ADAMTS5: variants seen among roughly 807,000 people sequenced by gnomAD.
The protein encoded by ADAMTS5 is A disintegrin and metalloproteinase with thrombospondin motifs 5.
In ADAMTS5, 54 loss-of-function variants were observed where a neutral mutation model predicts 81.4. That is an observed-to-expected ratio of 0.66 (90% CI 0.53 to 0.83). The LOEUF (loss-of-function observed/expected upper bound fraction) is 0.83. ADAMTS5 is among the 40% of genes least tolerant of loss of function. The pLI is 0.00. For missense variants in ADAMTS5, 1,194 were observed against 1,229.9 expected, an observed-to-expected ratio of 0.97 and a Z score of 0.44; for synonymous variants, 532 against 508.8, an observed-to-expected ratio of 1.05 and a Z score of -0.61.
Position 26,965,829 on chromosome 21 carries a change from C to G in ADAMTS5, c.563G>C (p.Arg188Pro). The G allele has an allele frequency of 1.2e-6, 2 of 1,610,922 alleles. No individual in the cohort carries two copies. Among genetic ancestry groups the G allele is most frequent in the Non-Finnish European group, 1.7e-6 (2 of 1,178,908 alleles). ...CTCGCGGGTGTAGACGTGCAGGATCCGTGCGGACCCATCCCCGTACACGCG... is the reference window on the plus strand; with the variant it reads ...CTCGCGGGTGTAGACGTGCAGGATCGGTGCGGACCCATCCCCGTACACGCG... ...KGRVYGDGSA[R>P]ILHVYTREGF... The change falls in exon 1 of 8, where the codon CGG becomes CCG. Residue 188 changes from arginine to proline, a missense_variant. Physicochemically the swap from Arg to Pro is moderately radical, Grantham distance 103. Transcript: ENST00000284987.
intron 2 of ADAMTS5, among the ~76,000 whole-genome samples, chr21:26,951,187 G>A (rs748023429): frequency 3.9e-5 from 6 of 152,142 alleles, no homozygotes; most frequent in African/African-American, 9.7e-5. Flanking sequence ...GCGTTTCCAC[G>A]AGAACCTGTA....
Position 26,952,928 on chromosome 21 carries a change from T to G in ADAMTS5, c.1237+1811A>C, listed in dbSNP as rs545293839. Among the ~76,000 whole-genome samples, 4 of 152,228 alleles carry G rather than the reference T, an allele frequency of 2.6e-5. No homozygotes were observed. In the South Asian group the frequency reaches 6.2e-4, roughly 24 times the overall value. On this transcript the variant is annotated intron_variant, in intron 2 of 7. Transcript: ENST00000284987. ...TCTTAGTTTCCGGTGCAGATCGGAA[T>G]GTTGCCTTGAGCAAGTCTCATGTTT... is the stretch of plus-strand genomic sequence containing the variant.
rs1986756895 is a variant in ADAMTS5 at position 26,924,185 on chromosome 21, G to A, written c.2661C>T (p.Cys887=). Residue 887 remains cysteine (C), a synonymous_variant, in exon 8 of 8, where the codon TGC becomes TGT. Coordinates refer to ENST00000284987, the MANE Select transcript of ADAMTS5 (RefSeq NM_007038.5). ...GCCAACCTGTGTCACAGGTCCTAGA[G>A]CAGGCGAGCCATGGGCCCGTGACCC... is the stretch of plus-strand genomic sequence containing the variant. ...PQWVTGPWLA[C]SRTCDTGWHT... 6.2e-7 allele frequency: 1 copy of A among 1,614,080 alleles called. No homozygotes were observed. The highest frequency in any genetic ancestry group is 8.5e-7 in the Non-Finnish European group (1 of 1,180,034).
Position 26,943,372 on chromosome 21 carries a change from A to T in ADAMTS5, c.1405+8T>A. On this transcript the variant is annotated splice_region_variant and intron_variant, in intron 3 of 7. Transcript: ENST00000284987. ...TTCTCAGTCTGTGTTCTCCTAAATG[A>T]TACATACCATGGCCATCATCCAGGA... 6.2e-7 allele frequency: 1 copy of T among 1,610,318 alleles called. No homozygotes were observed. Among genetic ancestry groups the T allele is most frequent in the Non-Finnish European group, 8.5e-7 (1 of 1,178,390 alleles).
intron 4 of ADAMTS5, 21 bp from the exon 5 acceptor site, chr21:26,933,065 T>C: frequency 1.3e-6 from 2 of 1,593,132 alleles, no homozygotes. Context: ...GAATAGAATA[T>C]ATTTTAACTC....
At chr21:26,943,581 C>G (rs369748695) in intron 2 of ADAMTS5, 34 bp from the exon 3 acceptor site, 5 of 1,579,180 alleles carry the variant, frequency 3.2e-6, no homozygotes, top group Non-Finnish European at 4.3e-6. Context: ...ACAAATAATC[C>G]GTGATTGTGT....
In ADAMTS5 at chr21:26,933,033, A is replaced by T; in HGVS notation, c.1701T>A (p.His567Gln). 6.2e-7 allele frequency: 1 copy of T among 1,613,070 alleles called. No individual in the cohort carries two copies. The highest frequency in any genetic ancestry group is 8.5e-7 in the Non-Finnish European group (1 of 1,179,724). ...AGGATCCCCAAGATCCCCAGTTGCC[A>T]TGGCTTGACGTCTGAAATAGAGAAT... Reference protein sequence around the residue: ...TKKKYYSTSSHGNWGSWGSWG... With the variant: ...TKKKYYSTSSQGNWGSWGSWG... The change falls in exon 5 of 8, where the codon CAT becomes CAA. Residue 567 changes from histidine (H) to glutamine (Q), a missense_variant. This residue lies in a region of ADAMTS5 where 696 missense variants were observed against 817.6 expected (regional missense o/e 0.85). Coordinates refer to ENST00000284987, the MANE Select transcript of ADAMTS5 (RefSeq NM_007038.5).
chr21:26,949,199 G>GGAGA (rs71183587), intron 2 of ADAMTS5, among the ~76,000 whole-genome samples: 282 of 138,562 alleles, frequency 2.0e-3, no homozygotes, highest in Admixed American at 3.7e-3. Context: ...ATATATATAT[G>GGAGA]GAGAGAGAGA....
intron 2 of ADAMTS5, among the ~76,000 whole-genome samples, chr21:26,949,893 T>C (rs1987286607): frequency 6.6e-6 from 1 of 152,222 alleles, no homozygotes; most frequent in Non-Finnish European, 1.5e-5. Context: ...TTCTGTGTAT[T>C]TGGATTTGGT....
At chr21:26,940,631 A>C (rs113755126) in intron 3 of ADAMTS5, among the ~76,000 whole-genome samples, 1 of 152,340 alleles carries the variant, frequency 6.6e-6, no homozygotes, top group Non-Finnish European at 1.5e-5. Context: ...TTAGAACAGA[A>C]AAATGGTAGA....
rs186300576 is a variant in ADAMTS5, at chr21:26,922,669, C to A, written c.*1384G>T. 1 of 152,388 alleles carries A rather than the reference C, an allele frequency of 6.6e-6. No homozygotes were observed. Among genetic ancestry groups the A allele is most frequent in the African/African-American group, 2.4e-5 (1 of 41,564 alleles). The allele number at this position is 152,388 out of a possible 1,614,324, so 9.4% of individuals were successfully genotyped here. A position where few individuals can be genotyped will look rare whatever the true frequency, so the allele number is the denominator to read the frequency against. On this transcript the variant is annotated 3_prime_UTR_variant, in exon 8 of 8. Transcript: ENST00000284987. ...TTCCATGTCTAACTATTCAAACTTA[C>A]AACCTACTTAAACAGGCTATGGAAA...
intron 7 of ADAMTS5, 97 bp downstream of exon 7, chr21:26,929,789 G>A (rs1167082622): frequency 9.5e-6 from 12 of 1,264,128 alleles, no homozygotes; most frequent in Non-Finnish European, 1.3e-5. Context: ...TCCTCATACA[G>A]ATAGCTTATG....
chr21:26,948,621 C>T (rs1049189154), intron 2 of ADAMTS5, among the ~76,000 whole-genome samples: 7 of 152,124 alleles, frequency 4.6e-5, no homozygotes, highest in African/African-American at 1.7e-4. Flanking sequence ...AAACACGAAT[C>T]TTTACATAGA....
rs1033244521 is a variant in ADAMTS5, at chr21:26,966,197, C to T, written c.195G>A (p.Ala65=). 8.8e-6 allele frequency: 14 copies of T among 1,597,644 alleles called. No homozygotes were observed. Among genetic ancestry groups the T allele is most frequent in the Non-Finnish European group, 1.2e-5 (14 of 1,172,382 alleles). The change falls in exon 1 of 8, where the codon GCG becomes GCA. Residue 65 remains alanine, a synonymous_variant. Transcript: ENST00000284987. ...CCAGCCCCTTGCTCCTGCGCCGCTGCGCCAGGGGGTGCGGGTGGCCGGGAG... is the reference window on the plus strand; with the variant it reads ...CCAGCCCCTTGCTCCTGCGCCGCTGTGCCAGGGGGTGCGGGTGGCCGGGAG... ...AEPPGHPHPL[A]QRRRSKGLVQ...
intron 3 of ADAMTS5, among the ~76,000 whole-genome samples, chr21:26,937,672 T>C (rs1987038408): frequency 6.6e-6 from 1 of 152,224 alleles, no homozygotes; most frequent in Non-Finnish European, 1.5e-5. Context: ...TTTATATGTT[T>C]AAGAAATGTA....
At chr21:26,931,423 C>T (rs1986904759) in intron 6 of ADAMTS5, among the ~76,000 whole-genome samples, 1 of 152,112 alleles carries the variant, frequency 6.6e-6, no homozygotes, top group Admixed American at 6.6e-5. Context: ...TAAAACTCTG[C>T]TATAGATTTA....
At chr21:26,961,255 T>A (rs1422169456) in intron 1 of ADAMTS5, among the ~76,000 whole-genome samples, 2 of 152,268 alleles carry the variant, frequency 1.3e-5, no homozygotes, top group African/African-American at 4.8e-5. Context: ...GTTGAAATGA[T>A]TAATTGTAAA....
At position 26,930,132 on chromosome 21, in the gene ADAMTS5, AGTTCTCATTT is replaced by A. The variant is rs918591638; in HGVS notation, c.2050-81_2050-72del. The A allele has an allele frequency of 1.9e-5, 29 of 1,487,840 alleles. No individual in the cohort carries two copies. In the Admixed American group the frequency reaches 3.7e-4, roughly 19 times the overall value. 92.2% of individuals were successfully genotyped at this position (1,487,840 alleles called of 1,614,324 possible). On this transcript the variant is annotated intron_variant, in intron 6 of 7. Coordinates refer to ENST00000284987, the MANE Select transcript of ADAMTS5 (RefSeq NM_007038.5). ...TATTTGCTCCTTTGGTCAACTAGTA[AGTTCTCATTT>A]GTGATTTTTTGAGTTTGATTGGTAT...
At chr21:26,954,586 GTTAACC>G (rs1197272603) in intron 2 of ADAMTS5, among the ~76,000 whole-genome samples, 147 bp downstream of exon 2, 1 of 152,186 alleles carries the variant, frequency 6.6e-6, no homozygotes, top group Non-Finnish European at 1.5e-5. Context: ...GCTCGTATTA[GTTAACC>G]TTAAAAGTGC....
Sources: allele counts gnomAD v4.1 joint callset (sites outside exome capture counted in the v4.1 genomes callset), GRCh38; gene constraint gnomAD v4.1.1; regional missense constraint gnomAD v4.1.1; transcripts MANE v1.5; gene names NCBI Gene and HGNC (gene_info 2026-07-23, HGNC 2026-07-21).